Variants in OPA3 observed in about 807,000 individuals in gnomAD.
OPA3 encodes optic atrophy 3 protein.
In OPA3, 6 loss-of-function variants were observed where a neutral mutation model predicts 4.0. The observed-to-expected ratio is 1.51, with a 90% CI of 0.83 to 2.99. The LOEUF is 2.99. OPA3 is among the 30% of genes most tolerant of loss of function. OPA3 has a pLI of 0.00. For synonymous variants in OPA3, 105 were observed against 117.1 expected, an observed-to-expected ratio of 0.90 and a Z score of 0.67; for missense variants, 235 against 256.2, an observed-to-expected ratio of 0.92 and a Z score of 0.56.
chr19:45,570,756 G>A (rs543069571), intron 1 of OPA3, among the ~76,000 whole-genome samples: 29 of 151,462 alleles, frequency 1.9e-4, no homozygotes, highest in South Asian at 1.3e-3. Flanking sequence ...CCAGCTGCTC[G>A]GGAGGCTGAG....
At chr19:45,531,713 T>A (rs2122374210) in intron 1 of OPA3, among the ~76,000 whole-genome samples, 1 of 152,322 alleles carries the variant, frequency 6.6e-6, no homozygotes, top group Non-Finnish European at 1.5e-5. Flanking sequence ...GAATGACTAG[T>A]TCGAAATCCT....
intron 1 of OPA3, among the ~76,000 whole-genome samples, chr19:45,576,560 C>A (rs936790995): frequency 7.1e-6 from 1 of 141,006 alleles, no homozygotes; most frequent in South Asian, 2.3e-4. Context: ...AAAAAAAAGT[C>A]CAAAATGGCT....
At chr19:45,572,989 G>T (rs1390024704) in intron 1 of OPA3, among the ~76,000 whole-genome samples, 1 of 151,498 alleles carries the variant, frequency 6.6e-6, no homozygotes, top group Non-Finnish European at 1.5e-5. Flanking sequence ...ACCCCTAGGG[G>T]TTCATTCTCA....
intron 1 of OPA3, among the ~76,000 whole-genome samples, chr19:45,534,494 GA>G (rs1969093521): frequency 6.8e-6 from 1 of 147,454 alleles, no homozygotes; most frequent in South Asian, 2.2e-4. Flanking sequence ...CTGGGAAGTG[GA>G]GGTTGTAGTG....
exon 2 of OPA3, chr19:45,528,936 C>T: frequency 7.9e-7 from 1 of 1,264,808 alleles, no homozygotes; most frequent in Non-Finnish European, 1.1e-6. Flanking sequence ...CCGGCGCCCC[C>T]GAAGGACTGG....
intron 1 of OPA3, among the ~76,000 whole-genome samples, chr19:45,557,032 A>G (rs138182106): frequency 6.6e-6 from 1 of 152,324 alleles, no homozygotes; most frequent in African/African-American, 2.4e-5. Context: ...TGGGCCCGTA[A>G]CTGTCACTGC....
intron 1 of OPA3, among the ~76,000 whole-genome samples, chr19:45,572,911 T>C (rs1969709847): frequency 6.6e-6 from 1 of 150,902 alleles, no homozygotes; most frequent in Non-Finnish European, 1.5e-5. Context: ...CTCCAAGGCC[T>C]GGGCAGAGAG....
At chr19:45,559,333 GTCTT>G (rs1009314985) in intron 1 of OPA3, among the ~76,000 whole-genome samples, 37 of 150,502 alleles carry the variant, frequency 2.5e-4, no homozygotes, top group South Asian at 4.2e-4. Flanking sequence ...ATGGACAATG[GTCTT>G]TCTTTCTTTC....
Position 45,531,036 on chromosome 19 carries a change from C to T in OPA3, c.143-1580G>A, listed in dbSNP as rs28507465. ...AACTCCTGGCCTCAAGTGATCCACC[C>T]GCCTCAGCCTCCCAAAGTGCTGGGA... is the stretch of plus-strand genomic sequence containing the variant. On this transcript the variant is annotated intron_variant, in intron 1 of 1. Transcript: ENST00000323060. Among the ~76,000 whole-genome samples the T allele has an allele frequency of 9.8e-3, 1,447 of 147,584 alleles. 25 individuals are homozygous for T. The highest frequency in any genetic ancestry group is 0.035 in the African/African-American group (1,383 of 40,006).
chr19:45,536,334 A>G (rs1322356196), intron 1 of OPA3, among the ~76,000 whole-genome samples: 1 of 151,958 alleles, frequency 6.6e-6, no homozygotes, highest in East Asian at 1.9e-4. Flanking sequence ...ACATGAGGTC[A>G]GGAGTTTGAG....
intron 1 of OPA3, among the ~76,000 whole-genome samples, chr19:45,530,927 CTTT>C (rs71173176): frequency 9.3e-4 from 33 of 35,402 alleles, no homozygotes; most frequent in African/African-American, 2.6e-3. Flanking sequence ...ATGTCACCTA[CTTT>C]TTTTTTTTTT....
rs1177653721 is a variant in OPA3, at chr19:45,553,704, G to A, written c.350C>T (p.Ala117Val). The change falls in exon 2 of 2, where the codon GCT becomes GTT. Residue 117 changes from alanine (A) to valine (V), a missense_variant. Transcript: ENST00000263275. ...CTCGTCCCGCAGCGCGTTCCAGGCA[G>A]CACGCTGCTCCTCCTCCTTGTGGCG... ...QQRHKEEEQRAAWNALRDEVG... is the reference protein window; with the variant it reads ...QQRHKEEEQRVAWNALRDEVG... 1 of 1,608,028 alleles carries A rather than the reference G, an allele frequency of 6.2e-7. No individual in the cohort carries two copies. The highest frequency in any genetic ancestry group is 8.5e-7 in the Non-Finnish European group (1 of 1,179,132).
intron 1 of OPA3, among the ~76,000 whole-genome samples, chr19:45,581,787 C>T (rs1054163964): frequency 1.3e-5 from 2 of 152,070 alleles, no homozygotes; most frequent in South Asian, 4.1e-4. Flanking sequence ...GTTGGCTGTG[C>T]GGGAGGGTGT....
At chr19:45,561,393 T>C (rs899001287) in intron 1 of OPA3, among the ~76,000 whole-genome samples, 3 of 152,082 alleles carry the variant, frequency 2.0e-5, no homozygotes, top group Non-Finnish European at 2.9e-5. Context: ...GGAACACGCC[T>C]GCATACGATG....
rs1969362107 is a variant in OPA3 at position 45,553,171 on chromosome 19, G to T, written c.*343C>A. On this transcript the variant is annotated 3_prime_UTR_variant, in exon 2 of 2. Transcript: ENST00000263275. Reference sequence around the variant, plus strand: ...GTTAACACTGATCAGGTAAACCGGGGGTGGGGGTAACAATAACACATTGAT... The same window carrying T: ...GTTAACACTGATCAGGTAAACCGGGTGTGGGGGTAACAATAACACATTGAT... The T allele has an allele frequency of 1.6e-6, 2 of 1,284,866 alleles. No individual in the cohort carries two copies. Among genetic ancestry groups the T allele is most frequent in the Admixed American group, 7.0e-5 (2 of 28,530 alleles). 79.6% of individuals were successfully genotyped at this position (1,284,866 alleles called of 1,614,324 possible). A position where few individuals can be genotyped will look rare whatever the true frequency, so the allele number is the denominator to read the frequency against.
chr19:45,550,859 G>C lies in OPA3; in HGVS notation c.*2655C>G. The C allele has an allele frequency of 1.0e-6, 1 of 986,072 alleles. No individual in the cohort carries two copies. Among genetic ancestry groups the C allele is most frequent in the Non-Finnish European group, 1.2e-6 (1 of 830,130 alleles). The allele number at this position is 986,072 out of a possible 1,614,324, so 61.1% of individuals were successfully genotyped here. A position where few individuals can be genotyped will look rare whatever the true frequency, so the allele number is the denominator to read the frequency against. On this transcript the variant is annotated 3_prime_UTR_variant, in exon 2 of 2. Transcript: ENST00000263275. ...CTGGGACCCACCCCCTCCCGCTTCA[G>C]TGGCAGATCCTGGAAGAGAAACCCA... is the stretch of plus-strand genomic sequence containing the variant.
chr19:45,549,463 G>C lies in OPA3; in HGVS notation c.*4051C>G. 2.3e-5 allele frequency: 23 copies of C among 985,124 alleles called. No homozygotes were observed. Among genetic ancestry groups the C allele is most frequent in the Non-Finnish European group, 2.8e-5 (23 of 829,996 alleles). 61.0% of individuals were successfully genotyped at this position (985,124 alleles called of 1,614,324 possible). A position where few individuals can be genotyped will look rare whatever the true frequency, so the allele number is the denominator to read the frequency against. On this transcript the variant is annotated 3_prime_UTR_variant, in exon 2 of 2. Transcript: ENST00000263275. ...GCTGGGGTCAGGAATTGGAGCTCCT[G>C]CCTGTGTTCACACTCCCACCTCTGT...
At chr19:45,571,310 A>AT (rs1460931194) in intron 1 of OPA3, among the ~76,000 whole-genome samples, 4 of 92,298 alleles carry the variant, frequency 4.3e-5, no homozygotes, top group Non-Finnish European at 4.8e-5. Flanking sequence ...TGCCCAGCTA[A>AT]TTTTTTGTAT....
chr19:45,565,231 TCAAAAAACAAAA>T lies in OPA3; in HGVS notation c.143-11332_143-11321del, dbSNP rs1203721971. Reference sequence around the variant, plus strand: ...CCTGGTGATAGAGCAAGACTCCGTCTCAAAAAACAAAACAAAAAACAAAAAACAAAATTTTCT... The same window carrying T: ...CCTGGTGATAGAGCAAGACTCCGTCTCAAAAAACAAAAAACAAAATTTTCT... On this transcript the variant is annotated intron_variant, in intron 1 of 1. Coordinates refer to ENST00000263275, the MANE Select transcript of OPA3 (RefSeq NM_025136.4). Among the ~76,000 whole-genome samples the T allele has an allele frequency of 4.6e-5, 7 of 152,144 alleles. 1 individual carries two copies. The highest frequency in any genetic ancestry group is 1.4e-4 in the African/African-American group (6 of 41,518).
Sources: allele counts gnomAD v4.1 joint callset (sites outside exome capture counted in the v4.1 genomes callset), GRCh38; gene constraint gnomAD v4.1.1; transcripts MANE v1.5; gene names NCBI Gene and HGNC (gene_info 2026-07-23, HGNC 2026-07-21).